The following GIPR variants were observed in gnomAD, a reference collection of about 807,000 sequenced individuals.
GIPR encodes the protein gastric inhibitory polypeptide receptor.
GIPR carries 74 observed loss-of-function variants against 62.2 expected under a neutral mutation model. The ratio of observed to expected loss-of-function variants is 1.19; its 90% CI spans 0.99 to 1.44. The LOEUF (loss-of-function observed/expected upper bound fraction) is 1.44. GIPR is among the 40% of genes most tolerant of loss of function. GIPR has a pLI of 0.00. For synonymous variants in GIPR, 256 were observed against 262.2 expected (o/e 0.98, Z 0.23); for missense variants, 664 against 611.8 (o/e 1.09, Z -0.90).
At chr19:45,671,192 C>G in intron 3 of GIPR, 93 bp from the exon 4 acceptor site, 2 of 790,754 alleles carry the variant, frequency 2.5e-6, no homozygotes, top group Non-Finnish European at 4.5e-6. Flanking sequence ...GCACTTGGCC[C>G]ACTGCGGAGA....
rs368430322 is a variant in GIPR, at chr19:45,674,832, C to T, written c.633+6C>T. On this transcript the variant is annotated splice_donor_region_variant and intron_variant, in intron 7 of 13. Transcript: ENST00000590918. Reference sequence around the variant, plus strand: ...CCCTTGCGCTGTGGAACCAGGTGGGCATCCTCCTTCCGTTCCTCCAAATGG... The same window carrying T: ...CCCTTGCGCTGTGGAACCAGGTGGGTATCCTCCTTCCGTTCCTCCAAATGG... 100 of 1,613,540 alleles carry T rather than the reference C, an allele frequency of 6.2e-5. No homozygotes were observed. Among genetic ancestry groups the T allele is most frequent in the Middle Eastern group, 5.0e-4 (3 of 6,056 alleles).
chr19:45,681,115 T>A (rs1050019871), intron 12 of GIPR, among the ~76,000 whole-genome samples: 1 of 151,924 alleles, frequency 6.6e-6, no homozygotes, highest in African/African-American at 2.4e-5. Context: ...CAGGAACCAG[T>A]GAAAAGATGA....
intron 12 of GIPR, 105 bp from the exon 13 acceptor site, chr19:45,681,499 A>AAAC: frequency 1.0e-6 from 1 of 987,328 alleles, no homozygotes; most frequent in Non-Finnish European, 1.6e-6. Flanking sequence ...CCGACTCTTA[A>AAAC]AAACAAACAA....
chr19:45,669,945 T>C (rs892822252), intron 2 of GIPR, among the ~76,000 whole-genome samples: 9 of 144,422 alleles, frequency 6.2e-5, no homozygotes, highest in Non-Finnish European at 1.2e-4. Context: ...TGAGACTCTG[T>C]CTCGGGGTGG....
rs747744657 is a variant in GIPR at position 45,674,073 on chromosome 19, G to C, written c.385-1G>C. 6.2e-7 allele frequency: 1 copy of C among 1,601,422 alleles called. No individual in the cohort carries two copies. Among genetic ancestry groups the C allele is most frequent in the South Asian group, 1.1e-5 (1 of 90,822 alleles). Reference sequence around the variant, plus strand: ...TCCCTTCCCCTTCTTGCCCCGACCAGGACCAAAGGCTCATCTTGGAGCGGT... The same window carrying C: ...TCCCTTCCCCTTCTTGCCCCGACCACGACCAAAGGCTCATCTTGGAGCGGT... On this transcript the variant is annotated splice_acceptor_variant, in intron 5 of 13. Coordinates refer to ENST00000590918, the MANE Select transcript of GIPR (RefSeq NM_000164.4). LOFTEE classifies it high-confidence loss of function.
intron 5 of GIPR, among the ~76,000 whole-genome samples, chr19:45,673,807 G>A (rs1449854113): frequency 6.6e-6 from 1 of 151,704 alleles, no homozygotes; most frequent in Non-Finnish European, 1.5e-5. Context: ...GAGGCTGCAG[G>A]GAACCATGAT....
At position 45,677,776 on chromosome 19, in the gene GIPR, C is replaced by T. The variant is rs753715622; in HGVS notation, c.921C>T (p.Ile307=). 2.5e-6 allele frequency: 4 copies of T among 1,612,638 alleles called. No homozygotes were observed. Among genetic ancestry groups the T allele is most frequent in the Non-Finnish European group, 3.4e-6 (4 of 1,178,624 alleles). The part of the protein sequence containing the change: ...WIIRTPILMT[I]LINFLIFIRI... ...TACGGACCCCCATCCTCATGACCAT[C>T]TTGGTAGGATCGGTCCCGCCTCCAC... is the stretch of plus-strand genomic sequence containing the variant. The change falls in exon 10 of 14, where the codon ATC becomes ATT. Residue 307 remains isoleucine, a synonymous_variant. Coordinates refer to ENST00000590918, the MANE Select transcript of GIPR (RefSeq NM_000164.4).
rs552883021 is a variant in GIPR, at chr19:45,671,351, C to T, written c.239C>T (p.Ala80Val). The change falls in exon 4 of 14, where the codon GCC (alanine) becomes GTC (valine). Residue 80 changes from alanine (A) to valine (V), a missense_variant. Transcript: ENST00000590918. ...CWDYAAPNAT[A>V]RASCPWYLPW... Reference sequence around the variant, plus strand: ...GACTATGCTGCACCCAATGCCACTGCCCGTGCGTCCTGCCCCTGGTACCTG... The same window carrying T: ...GACTATGCTGCACCCAATGCCACTGTCCGTGCGTCCTGCCCCTGGTACCTG... 2 of 1,612,196 alleles carry T rather than the reference C, an allele frequency of 1.2e-6. No homozygotes were observed. Among genetic ancestry groups the T allele is most frequent in the South Asian group, 1.1e-5 (1 of 91,072 alleles).
At chr19:45,671,006 G>A (rs971590845) in intron 3 of GIPR, among the ~76,000 whole-genome samples, 2 of 150,948 alleles carry the variant, frequency 1.3e-5, no homozygotes, top group African/African-American at 4.9e-5. Context: ...ACTGGGAAGG[G>A]CCCTTCCGGG....
At chr19:45,669,369 T>C in intron 1 of GIPR, 108 bp from the exon 2 acceptor site, 5 of 1,108,686 alleles carry the variant, frequency 4.5e-6, no homozygotes, top group Non-Finnish European at 6.5e-6. Flanking sequence ...GTCCCGCGTG[T>C]ATACGGCTCC....
rs1253475220 is a variant in GIPR at position 45,681,805 on chromosome 19, C to T, written c.1271C>T (p.Pro424Leu). 1 of 1,572,964 alleles carries T rather than the reference C, an allele frequency of 6.4e-7. No homozygotes were observed. The highest frequency in any genetic ancestry group is 8.6e-7 in the Non-Finnish European group (1 of 1,159,022). Residue 424 changes from proline (P) to leucine (L), a missense_variant, in exon 14 of 14, where the codon CCG becomes CTG. Physicochemically the swap from Pro to Leu is moderately conservative, Grantham distance 98. Coordinates refer to ENST00000590918, the MANE Select transcript of GIPR (RefSeq NM_000164.4). ...CTGGGCGAGGAGCAACGCCAGCTCCCGGAGCGCGCCTTCCGGGCCCTGCCC... is the reference window on the plus strand; with the variant it reads ...CTGGGCGAGGAGCAACGCCAGCTCCTGGAGCGCGCCTTCCGGGCCCTGCCC... ...RSLGEEQRQLPERAFRALPSG... is the reference protein window; with the variant it reads ...RSLGEEQRQLLERAFRALPSG...
chr19:45,674,764 G>C lies in GIPR; in HGVS notation c.571G>C (p.Asp191His), dbSNP rs763016615. Residue 191 changes from aspartate (D) to histidine (H), a missense_variant, in exon 7 of 14, where the codon GAC becomes CAC. Transcript: ENST00000590918. ...MLRAAAILSR[D>H]RLLPRPGPYL... ...GCGAGCTGCGGCCATTCTCAGCCGA[G>C]ACCGTCTGCTACCTCGACCTGGCCC... 1 of 1,613,994 alleles carries C rather than the reference G, an allele frequency of 6.2e-7. No homozygotes were observed. The highest frequency in any genetic ancestry group is 2.2e-5 in the East Asian group (1 of 44,872).
intron 5 of GIPR, among the ~76,000 whole-genome samples, chr19:45,673,262 ATACAAAAAT>A (rs1408784716): frequency 1.3e-5 from 2 of 151,984 alleles, no homozygotes; most frequent in Non-Finnish European, 2.9e-5. Flanking sequence ...TTTACTAAAA[ATACAAAAAT>A]TAGCTGGGCA....
rs1664011056 is a variant in GIPR at position 45,681,845 on chromosome 19, G to T, written c.1311G>T (p.Pro437=). The change falls in exon 14 of 14, where the codon CCG becomes CCT. Residue 437 remains proline, a synonymous_variant. Transcript: ENST00000590918. ...AFRALPSGSG[P]GEVPTSRGLS... ...GGGCCCTGCCCTCCGGCTCCGGCCC[G>T]GGCGAGGTCCCCACCAGCCGCGGCT... 3 of 1,554,076 alleles carry T rather than the reference G, an allele frequency of 1.9e-6. No individual in the cohort carries two copies. The highest frequency in any genetic ancestry group is 2.6e-6 in the Non-Finnish European group (3 of 1,148,478).
intron 3 of GIPR, 50 bp from the exon 4 acceptor site, chr19:45,671,235 C>G (rs761757991): frequency 1.8e-6 from 2 of 1,084,838 alleles, no homozygotes; most frequent in Non-Finnish European, 2.8e-6. Context: ...AGCACTTGGC[C>G]CACTGCGCAG....
At chr19:45,674,972 G>A in intron 7 of GIPR, 146 bp downstream of exon 7, 2 of 791,516 alleles carry the variant, frequency 2.5e-6, no homozygotes, top group Admixed American at 2.1e-5. Flanking sequence ...TTGGGGTGGG[G>A]GATCAAGACA....
chr19:45,673,899 C>A (rs1975687876), intron 5 of GIPR, among the ~76,000 whole-genome samples, 175 bp from the exon 6 acceptor site: 1 of 152,036 alleles, frequency 6.6e-6, no homozygotes, highest in African/African-American at 2.4e-5. Context: ...TGGTCACATG[C>A]CTCGTGCCCT....
At chr19:45,669,956 G>T (rs73054338) in intron 2 of GIPR, among the ~76,000 whole-genome samples, 11,316 of 148,950 alleles carry the variant, frequency 0.076, 488 homozygotes, top group Middle Eastern at 0.17. Flanking sequence ...CTCGGGGTGG[G>T]GGGGGGAGGC....
In GIPR at chr19:45,681,716, C is replaced by T. The variant is rs774881880; in HGVS notation, c.1195-13C>T. On this transcript the variant is annotated splice_polypyrimidine_tract_variant and intron_variant, in intron 13 of 13. Transcript: ENST00000590918. ...GGGGTACGGCGCCGCCTCTGAGCGC[C>T]ATCGTCTCACAGGTGCAGTCGGAGA... is the stretch of plus-strand genomic sequence containing the variant. 2 of 1,611,446 alleles carry T rather than the reference C, an allele frequency of 1.2e-6. No individual in the cohort carries two copies. Among genetic ancestry groups the T allele is most frequent in the Non-Finnish European group, 1.7e-6 (2 of 1,178,450 alleles).
Sources: allele counts gnomAD v4.1 joint callset (sites outside exome capture counted in the v4.1 genomes callset), GRCh38; gene constraint gnomAD v4.1.1; transcripts MANE v1.5; gene names NCBI Gene and HGNC (gene_info 2026-07-23, HGNC 2026-07-21).